The following GALNT7 variants were observed in gnomAD, a reference collection of about 807,000 sequenced individuals.
The protein encoded by GALNT7 is polypeptide N-acetylgalactosaminyltransferase 7.
Under a neutral mutation model 82.1 loss-of-function variants are expected in GALNT7, and 60 were observed. That is an observed-to-expected ratio of 0.73 (90% CI 0.59 to 0.91). The LOEUF (loss-of-function observed/expected upper bound fraction) is 0.91. Among genes scored for constraint, GALNT7 ranks in the 40% least tolerant of loss-of-function variants. The pLI is 0.00. For missense variants in GALNT7, 660 were observed against 804.2 expected (o/e 0.82, Z 2.17); for synonymous variants, 243 against 275.1 (o/e 0.88, Z 1.15).
In GALNT7 at chr4:173,296,718, T is replaced by C. The variant is rs1736728903; in HGVS notation, c.965+875T>C. Among the ~76,000 whole-genome samples, 2 of 152,206 alleles carry C rather than the reference T, an allele frequency of 1.3e-5. 1 individual carries two copies. Among genetic ancestry groups the C allele is most frequent in the Admixed American group, 1.3e-4 (2 of 15,284 alleles). ...TTACACTGCACCATGTATTTAGGAATGTGAAAATCATAAGTGAGGACAGTT... is the reference window on the plus strand; with the variant it reads ...TTACACTGCACCATGTATTTAGGAACGTGAAAATCATAAGTGAGGACAGTT... On this transcript the variant is annotated intron_variant, in intron 5 of 11. Transcript: ENST00000265000.
chr4:173,180,822 G>A (rs1732225182), intron 1 of GALNT7, among the ~76,000 whole-genome samples: 1 of 152,204 alleles, frequency 6.6e-6, no homozygotes, highest in Non-Finnish European at 1.5e-5. Context: ...ATTTTGCCAT[G>A]CAATTTTTAT....
intron 1 of GALNT7, among the ~76,000 whole-genome samples, chr4:173,243,765 T>G (rs191618354): frequency 6.6e-5 from 10 of 152,322 alleles, no homozygotes; most frequent in African/African-American, 2.4e-4. Flanking sequence ...TTATTAAAAG[T>G]ACAGTGCCGT....
At chr4:173,290,889 G>A (rs907293070) in intron 2 of GALNT7, among the ~76,000 whole-genome samples, 21 of 152,222 alleles carry the variant, frequency 1.4e-4, no homozygotes, top group Admixed American at 6.5e-4. Context: ...CTGTAAGAAC[G>A]CAAGGCCTGC....
intron 5 of GALNT7, among the ~76,000 whole-genome samples, chr4:173,296,116 T>C (rs1444191166): frequency 1.3e-5 from 2 of 152,202 alleles, no homozygotes; most frequent in East Asian, 3.8e-4. Flanking sequence ...CTCCAGGCAC[T>C]TTCTCTAAGA....
chr4:173,216,334 A>G (rs1238375295), intron 1 of GALNT7, among the ~76,000 whole-genome samples: 1 of 152,192 alleles, frequency 6.6e-6, no homozygotes, highest in Non-Finnish European at 1.5e-5. Flanking sequence ...ATATACAACA[A>G]TCTAAATGCT....
At chr4:173,204,328 C>T (rs1265679330) in intron 1 of GALNT7, among the ~76,000 whole-genome samples, 3 of 152,134 alleles carry the variant, frequency 2.0e-5, no homozygotes, top group Non-Finnish European at 4.4e-5. Flanking sequence ...TGGATTGAAT[C>T]TGAGTGTAGA....
At chr4:173,219,374 G>T (rs879934730) in intron 1 of GALNT7, among the ~76,000 whole-genome samples, 4 of 151,848 alleles carry the variant, frequency 2.6e-5, no homozygotes, top group African/African-American at 4.8e-5. Flanking sequence ...ACATACCACG[G>T]TTTCTTTATC....
chr4:173,185,780 C>T (rs547146367), intron 1 of GALNT7, among the ~76,000 whole-genome samples: 1 of 151,994 alleles, frequency 6.6e-6, no homozygotes, highest in South Asian at 2.1e-4. Context: ...TTGTATGAAC[C>T]GTGTGCTAGT....
chr4:173,256,410 G>C (rs530274225), intron 2 of GALNT7, among the ~76,000 whole-genome samples: 1 of 152,174 alleles, frequency 6.6e-6, no homozygotes, highest in East Asian at 1.9e-4. Flanking sequence ...CATACGAAAT[G>C]CAAAAATTAG....
Position 173,168,865 on chromosome 4 carries a change from C to T in GALNT7, c.30C>T (p.Arg10=), listed in dbSNP as rs1242835874. The change falls in exon 1 of 12, where the codon CGC becomes CGT. Residue 10 remains arginine, a synonymous_variant. Transcript: ENST00000265000. The part of the protein sequence containing the change: MRLKIGFIL[R]SLLVVGSFLG... ...GGCTGAAGATTGGGTTCATCTTACG[C>T]AGTTTGCTGGTGGTGGGAAGCTTCC... is the stretch of plus-strand genomic sequence containing the variant. The T allele has an allele frequency of 6.2e-7, 1 of 1,613,598 alleles. No homozygotes were observed. Among genetic ancestry groups the T allele is most frequent in the Non-Finnish European group, 8.5e-7 (1 of 1,179,722 alleles).
chr4:173,178,547 T>G (rs1490521747), intron 1 of GALNT7, among the ~76,000 whole-genome samples: 1 of 152,202 alleles, frequency 6.6e-6, no homozygotes, highest in Non-Finnish European at 1.5e-5. Context: ...ATGTTCTCAT[T>G]TCTGCACCAT....
chr4:173,301,905 C>T (rs1736955210), intron 6 of GALNT7, 142 bp from the exon 7 acceptor site: 3 of 573,872 alleles, frequency 5.2e-6, no homozygotes, highest in Non-Finnish European at 9.4e-6. Context: ...TTTGTAAAGG[C>T]TTTATAATTT....
At chr4:173,238,887 T>C (rs1293820096) in intron 1 of GALNT7, among the ~76,000 whole-genome samples, 1 of 152,230 alleles carries the variant, frequency 6.6e-6, no homozygotes, top group Non-Finnish European at 1.5e-5. Context: ...TAAACAGTCT[T>C]AAGAATAAAA....
At chr4:173,313,272 TAGAA>T (rs889350676) in intron 8 of GALNT7, among the ~76,000 whole-genome samples, 29 of 151,794 alleles carry the variant, frequency 1.9e-4, no homozygotes, top group Non-Finnish European at 2.9e-5. Flanking sequence ...ACGATTCTAA[TAGAA>T]AGAGATTGTA....
intron 2 of GALNT7, among the ~76,000 whole-genome samples, chr4:173,285,708 C>T (rs1051796117): frequency 2.6e-5 from 4 of 152,142 alleles, no homozygotes; most frequent in Non-Finnish European, 5.9e-5. Context: ...TGTATGACTA[C>T]ACAGACAGAC....
At chr4:173,233,730 C>A (rs1734118361) in intron 1 of GALNT7, among the ~76,000 whole-genome samples, 3 of 152,330 alleles carry the variant, frequency 2.0e-5, no homozygotes, top group Non-Finnish European at 4.4e-5. Context: ...CCCATCCCTT[C>A]TTCATTCTCA....
At chr4:173,239,074 G>A (rs1734326720) in intron 1 of GALNT7, among the ~76,000 whole-genome samples, 1 of 152,136 alleles carries the variant, frequency 6.6e-6, no homozygotes, top group African/African-American at 2.4e-5. Flanking sequence ...TTGGCCAAGA[G>A]AACTAAGACT....
chr4:173,251,150 T>G (rs1442632089), intron 2 of GALNT7, among the ~76,000 whole-genome samples: 1 of 152,226 alleles, frequency 6.6e-6, no homozygotes, highest in African/African-American at 2.4e-5. Context: ...AGTACCCAGT[T>G]GGTAAATATC....
chr4:173,174,980 G>A (rs944826687), intron 1 of GALNT7, among the ~76,000 whole-genome samples: 9 of 152,206 alleles, frequency 5.9e-5, no homozygotes, highest in African/African-American at 2.2e-4. Context: ...GAAAGAGGAA[G>A]AGAGAAAATA....
Sources: gnomAD v4.1 joint callset for allele counts (sites outside exome capture counted in the v4.1 genomes callset) on GRCh38, gnomAD v4.1.1 for gene constraint, MANE v1.5 for transcripts, NCBI Gene and HGNC (gene_info 2026-07-23, HGNC 2026-07-21) for gene names.